Variants in BTNL9 observed in about 807,000 individuals in gnomAD.
The protein encoded by BTNL9 is butyrophilin like 9, also known as butyrophilin-like protein 9.
BTNL9 carries 45 observed loss-of-function variants against 45.8 expected under a neutral mutation model. The ratio of observed to expected loss-of-function variants is 0.98; its 90% CI spans 0.77 to 1.26. The LOEUF (loss-of-function observed/expected upper bound fraction) is 1.26. Among genes scored for constraint, BTNL9 ranks in the 50% most tolerant of loss-of-function variants. The probability of loss-of-function intolerance (pLI) is 0.00; values close to 1 mark genes in which losing one functional copy is unlikely to be tolerated. For synonymous variants in BTNL9, 346 were observed against 330.8 expected, an observed-to-expected ratio of 1.05 and a Z score of -0.50; for missense variants, 784 against 729.7, an observed-to-expected ratio of 1.07 and a Z score of -0.86.
At position 181,055,183 on chromosome 5, in the gene BTNL9, A is replaced by T; in HGVS notation, c.908-250A>T. The T allele has an allele frequency of 7.4e-7, 1 of 1,348,710 alleles. No homozygotes were observed. Among genetic ancestry groups the T allele is most frequent in the African/African-American group, 1.5e-5 (1 of 67,586 alleles). The allele number at this position is 1,348,710 out of a possible 1,614,324, so 83.5% of individuals were successfully genotyped here. On this transcript the variant is annotated intron_variant, in intron 7 of 10. Transcript: ENST00000327705. This position sits in a 1 kb window ranked among gnomAD's most constrained non-coding sequence, Gnocchi z 4.4. The stretch of plus-strand genomic sequence containing the variant: ...TGGGAAGAGGCCTGTCAGTACTAAG[A>T]TCTGGTATCCCTTCTAGGCTGTGTG...
chr5:181,050,363 A>G lies in BTNL9; in HGVS notation c.730A>G (p.Ile244Val), dbSNP rs759293615. 12 of 1,613,892 alleles carry G rather than the reference A, an allele frequency of 7.4e-6. No individual in the cohort carries two copies. The highest frequency in any genetic ancestry group is 9.3e-6 in the Non-Finnish European group (11 of 1,179,926). ...CCAGAAGAAAGAGTTGGTGGTCCAG[A>G]TAGCAGGTCAGTGGCTGTTAGCTCA... ...LSQKKELVVQ[I>V]ADVFVPGASA... The change falls in exon 4 of 11, where the codon ATA (isoleucine) becomes GTA (valine). Residue 244 changes from isoleucine (I) to valine (V), a missense_variant. By Grantham distance (29) the Ile-to-Val change is conservative. Coordinates refer to ENST00000327705, the MANE Select transcript of BTNL9 (RefSeq NM_152547.5). The surrounding 1 kb of genome is among the most constrained non-coding windows in gnomAD (Gnocchi z 4.9).
rs756297675 is a variant in BTNL9, at chr5:181,045,528, A to AGTATC, written c.41_45dup (p.Leu16TyrfsTer3). ...CAGTCTCCCCAGACTCCTTGAAGCC[A>AGTATC]GTATCGCTGACCAGCAGTCTTGTCT... On this transcript the variant is annotated frameshift_variant, in exon 2 of 11. Coordinates refer to ENST00000327705, the MANE Select transcript of BTNL9 (RefSeq NM_152547.5). LOFTEE classifies it high-confidence loss of function. 7.4e-6 allele frequency: 12 copies of AGTATC among 1,612,332 alleles called. No individual in the cohort carries two copies. The highest frequency in any genetic ancestry group is 9.3e-6 in the Non-Finnish European group (11 of 1,179,112).
Position 181,049,756 on chromosome 5 carries a change from CTAAT to C in BTNL9, c.455-329_455-326del, listed in dbSNP as rs1761433177. ...CAAGAGAAGGAGAAGAGTCACAACT[CTAAT>C]TATTAGAATTTAGGGTGCTGCTATT... On this transcript the variant is annotated intron_variant, in intron 3 of 10. Transcript: ENST00000327705. Among the ~76,000 whole-genome samples, 3 of 152,308 alleles carry C rather than the reference CTAAT, an allele frequency of 2.0e-5. No individual in the cohort carries two copies. In the South Asian group the frequency reaches 6.2e-4, roughly 32 times the overall value.
chr5:181,059,691 G>A lies in BTNL9; in HGVS notation c.1437G>A (p.Ser479=), dbSNP rs751976307. 6.2e-7 allele frequency: 1 copy of A among 1,613,624 alleles called. No individual in the cohort carries two copies. ...SHIFTFHDTF[S]GALCAYFRPR... ...TCTTCACCTTCCACGACACCTTCTC[G>A]GGCGCGCTCTGTGCGTACTTCAGGC... Residue 479 remains serine (S), a synonymous_variant, in exon 11 of 11, where the codon TCG becomes TCA. Transcript: ENST00000327705.
intron 10 of BTNL9, 68 bp from the exon 11 acceptor site, chr5:181,059,169 G>A (rs1387269178): frequency 6.3e-6 from 9 of 1,417,530 alleles, no homozygotes; most frequent in African/African-American, 3.0e-5. Flanking sequence ...AGGTTTGTCC[G>A]CCTTGGGGAA....
At chr5:181,051,901 C>T (rs1432915122) in intron 4 of BTNL9, among the ~76,000 whole-genome samples, 1 of 152,260 alleles carries the variant, frequency 6.6e-6, no homozygotes, top group African/African-American at 2.4e-5. Context: ...GCGGACCCCT[C>T]TACAGAGGGC....
Position 181,051,760 on chromosome 5 carries a change from C to A in BTNL9, c.736+1391C>A, listed in dbSNP as rs988340592. ...CTAAGAGAGGGGAAGAGGAAAGAGT[C>A]TCTCTTTTTGCACCAGGAAAAACCC... On this transcript the variant is annotated intron_variant, in intron 4 of 10. Coordinates refer to ENST00000327705, the MANE Select transcript of BTNL9 (RefSeq NM_152547.5). Among the ~76,000 whole-genome samples, 3 of 152,072 alleles carry A rather than the reference C, an allele frequency of 2.0e-5. No individual in the cohort carries two copies. In the South Asian group the frequency reaches 6.2e-4, roughly 31 times the overall value.
At chr5:181,056,604 C>A in intron 9 of BTNL9, 1 of 717,512 alleles carries the variant, frequency 1.4e-6, no homozygotes, top group South Asian at 1.5e-5. Context: ...TCCACAACAA[C>A]ACTGAATGCA....
chr5:181,058,500 C>CTT, intron 10 of BTNL9, 122 bp downstream of exon 10: 2 of 1,265,158 alleles, frequency 1.6e-6, no homozygotes, highest in Non-Finnish European at 2.3e-6. Flanking sequence ...GGCCTGCACA[C>CTT]ACAAGACACA....
At chr5:181,045,624 C>T in intron 2 of BTNL9, 26 bp downstream of exon 2, 4 of 1,578,754 alleles carry the variant, frequency 2.5e-6, no homozygotes, top group Non-Finnish European at 2.6e-6. Flanking sequence ...CCTAGCTGGC[C>T]AGGATGTGAA....
At position 181,055,540 on chromosome 5, in the gene BTNL9, C is replaced by T. The variant is rs1761832207; in HGVS notation, c.928+87C>T. On this transcript the variant is annotated intron_variant, in intron 8 of 10. Transcript: ENST00000327705. This position sits in a 1 kb window ranked among gnomAD's most constrained non-coding sequence, Gnocchi z 4.4. The stretch of plus-strand genomic sequence containing the variant: ...ATCCCAGTACTTTGGGAGGCCGAGG[C>T]GGGTGGATCACGAGGTCAGGAGATC... 6.1e-6 allele frequency: 9 copies of T among 1,481,584 alleles called. 1 individual carries two copies. Among genetic ancestry groups the T allele is most frequent in the South Asian group, 3.4e-5 (3 of 88,386 alleles). 91.8% of individuals were successfully genotyped at this position (1,481,584 alleles called of 1,614,324 possible).
intron 7 of BTNL9, chr5:181,054,800 G>C (rs1761790839): frequency 8.1e-6 from 8 of 985,288 alleles, no homozygotes; most frequent in Non-Finnish European, 8.4e-6. Context: ...TTGTCTGGCA[G>C]TCTACCTCGC....
At position 181,042,200 on chromosome 5, in the gene BTNL9, G is replaced by A. The variant is rs1760806569; in HGVS notation, c.-24+1768G>A. Among the ~76,000 whole-genome samples, 1 of 152,230 alleles carries A rather than the reference G, an allele frequency of 6.6e-6. No homozygotes were observed. The highest frequency in any genetic ancestry group is 2.4e-5 in the African/African-American group (1 of 41,450). On this transcript the variant is annotated intron_variant, in intron 1 of 10. Transcript: ENST00000327705. This position sits in a 1 kb window ranked among gnomAD's most constrained non-coding sequence, Gnocchi z 4.5. Reference sequence around the variant, plus strand: ...TTCTCAGGACCCCTTATTTCTCCCTGTGCCTTCCGGAGGGAGCAGCCCAAG... The same window carrying A: ...TTCTCAGGACCCCTTATTTCTCCCTATGCCTTCCGGAGGGAGCAGCCCAAG...
chr5:181,053,482 G>T lies in BTNL9; in HGVS notation c.867G>T (p.Lys289Asn). The part of the protein sequence containing the change: ...KQRRSREKLR[K>N]QAEKRQEKLT... ...GTTTCCCTTCAGAAAAGCTGAGGAAGCAGGCGGAGAAGAGACAAGGTGAGC... is the reference window on the plus strand; with the variant it reads ...GTTTCCCTTCAGAAAAGCTGAGGAATCAGGCGGAGAAGAGACAAGGTGAGC... Residue 289 changes from lysine to asparagine, a missense_variant, in exon 6 of 11, where the codon AAG (lysine) becomes AAT (asparagine). Transcript: ENST00000327705. This position sits in a 1 kb window ranked among gnomAD's most constrained non-coding sequence, Gnocchi z 6.5. The T allele has an allele frequency of 6.3e-7, 1 of 1,578,772 alleles. No individual in the cohort carries two copies. Among genetic ancestry groups the T allele is most frequent in the Non-Finnish European group, 8.6e-7 (1 of 1,162,572 alleles).
At chr5:181,058,293 G>T in intron 9 of BTNL9, 59 bp from the exon 10 acceptor site, 1 of 1,596,664 alleles carries the variant, frequency 6.3e-7, no homozygotes, top group Non-Finnish European at 8.6e-7. Context: ...CTTCGTTAAG[G>T]TTCCAGAGTT....
At chr5:181,051,768 T>G (rs140389171) in intron 4 of BTNL9, among the ~76,000 whole-genome samples, 66 of 152,286 alleles carry the variant, frequency 4.3e-4, no homozygotes, top group African/African-American at 1.5e-3. Context: ...GTCTCTCTTT[T>G]TGCACCAGGA....
At chr5:181,054,110 G>T in intron 6 of BTNL9, 129 bp from the exon 7 acceptor site, 1 of 1,556,950 alleles carries the variant, frequency 6.4e-7, no homozygotes, top group South Asian at 1.2e-5. Context: ...TGGGCCCGCA[G>T]ACCACCGCGG....
Position 181,048,138 on chromosome 5 carries a change from C to T in BTNL9, c.321C>T (p.Val107=). ...MPAFRNRTKL[V]KDDIAYGSVV... is the part of the protein sequence containing the mutation. The stretch of plus-strand genomic sequence containing the variant: ...CGTTCCGGAACAGGACCAAGTTGGT[C>T]AAGGACGACATCGCCTATGGCAGCG... Residue 107 remains valine, a synonymous_variant, in exon 3 of 11, where the codon GTC becomes GTT. Transcript: ENST00000327705. 1 of 1,613,614 alleles carries T rather than the reference C, an allele frequency of 6.2e-7. No individual in the cohort carries two copies. Among genetic ancestry groups the T allele is most frequent in the African/African-American group, 1.3e-5 (1 of 75,052 alleles).
At chr5:181,045,681 A>C (rs1438379883) in intron 2 of BTNL9, 83 bp downstream of exon 2, 3 of 1,113,220 alleles carry the variant, frequency 2.7e-6, no homozygotes, top group Non-Finnish European at 4.1e-6. Flanking sequence ...ATCTTAGCAC[A>C]GTACCAGGGC....
Sources: gnomAD v4.1 joint callset for allele counts (sites outside exome capture counted in the v4.1 genomes callset) on GRCh38, gnomAD v4.1.1 for gene constraint, Gnocchi (gnomAD v3.1) non-coding constraint, MANE v1.5 for transcripts, NCBI Gene and HGNC (gene_info 2026-07-23, HGNC 2026-07-21) for gene names.